CSNK1G3: variants seen among roughly 807,000 people sequenced by gnomAD.
CSNK1G3 encodes casein kinase 1 gamma 3.
A neutral mutation model predicts 64.3 loss-of-function variants in CSNK1G3; 23 were observed. The ratio of observed to expected loss-of-function variants is 0.36; its 90% CI spans 0.26 to 0.51. The LOEUF is 0.51. Ranked by LOEUF, CSNK1G3 falls within the 20% of genes least tolerant of loss-of-function variation. The pLI, the probability that CSNK1G3 is intolerant of heterozygous loss-of-function variation, is 0.96. For missense variants in CSNK1G3, 357 were observed against 510.5 expected (o/e 0.70, Z 2.90); for synonymous variants, 158 against 162.2 (o/e 0.97, Z 0.20).
chr5:123,522,560 G>T (rs567248813), intron 1 of CSNK1G3, among the ~76,000 whole-genome samples: 1 of 151,692 alleles, frequency 6.6e-6, no homozygotes, highest in Non-Finnish European at 1.5e-5. Flanking sequence ...ACATAAAATG[G>T]CACAGTATTT....
chr5:123,549,311 A>G (rs964274134), intron 2 of CSNK1G3, among the ~76,000 whole-genome samples: 5 of 152,160 alleles, frequency 3.3e-5, no homozygotes, highest in African/African-American at 1.2e-4. Flanking sequence ...ATTTTTCTGT[A>G]TATTATGATG....
At chr5:123,538,164 CAT>C (rs1350600335) in intron 1 of CSNK1G3, among the ~76,000 whole-genome samples, 2 of 152,098 alleles carry the variant, frequency 1.3e-5, no homozygotes, top group East Asian at 3.8e-4. Flanking sequence ...TTTTTGTAAA[CAT>C]ACATTTTTAT....
In CSNK1G3 at chr5:123,550,801, T is replaced by G. The variant is rs115943332; in HGVS notation, c.179-2306T>G. 4.5e-3 allele frequency among the ~76,000 whole-genome samples: 685 copies of G among 152,318 alleles called. 3 individuals carry two copies. The highest frequency in any genetic ancestry group is 6.9e-3 in the Admixed American group (106 of 15,294). ...ACACCATACATAAACACATACTTTGTGCATCATTTGTTTGTTTATGTTTAT... is the reference window on the plus strand; with the variant it reads ...ACACCATACATAAACACATACTTTGGGCATCATTTGTTTGTTTATGTTTAT... On this transcript the variant is annotated intron_variant, in intron 2 of 12. Transcript: ENST00000345990.
intron 1 of CSNK1G3, among the ~76,000 whole-genome samples, chr5:123,538,979 G>T (rs1295322744): frequency 6.6e-6 from 1 of 152,004 alleles, no homozygotes; most frequent in Non-Finnish European, 1.5e-5. Flanking sequence ...TTGTATTTAG[G>T]TTTATGATCC....
chr5:123,603,764 C>T (rs967968783), intron 10 of CSNK1G3, among the ~76,000 whole-genome samples: 8 of 151,990 alleles, frequency 5.3e-5, no homozygotes, highest in African/African-American at 1.9e-4. Flanking sequence ...AATGCCAAGG[C>T]CTTTAAGTGG....
At chr5:123,585,712 C>T (rs1003523225) in intron 6 of CSNK1G3, among the ~76,000 whole-genome samples, 3 of 152,206 alleles carry the variant, frequency 2.0e-5, no homozygotes, top group East Asian at 3.9e-4. Flanking sequence ...TCAGTTAATC[C>T]ATACTTTGAA....
chr5:123,581,360 G>GTT lies in CSNK1G3; in HGVS notation c.673+5416_673+5417dup, dbSNP rs10612602. The stretch of plus-strand genomic sequence containing the variant: ...GATTCTCTTTTTGTTTTTTGGGTTT[G>GTT]TTTTTTTTTTTTTTTTTTTTGGCCT... On this transcript the variant is annotated intron_variant, in intron 6 of 12. Transcript: ENST00000345990. 2.4e-3 allele frequency among the ~76,000 whole-genome samples: 195 copies of GTT among 81,562 alleles called. 1 individual carries two copies. The highest frequency in any genetic ancestry group is 4.3e-3 in the East Asian group (12 of 2,812). 53.5% of individuals were successfully genotyped at this position (81,562 alleles called of 152,430 possible). A position where few individuals can be genotyped will look rare whatever the true frequency, so the allele number is the denominator to read the frequency against.
chr5:123,596,902 C>T (rs1203959831), intron 10 of CSNK1G3, among the ~76,000 whole-genome samples: 2 of 152,006 alleles, frequency 1.3e-5, no homozygotes, highest in African/African-American at 2.4e-5. Context: ...CCTTCCCACT[C>T]CAAAATAAAG....
intron 1 of CSNK1G3, among the ~76,000 whole-genome samples, chr5:123,518,266 T>G (rs924898828): frequency 6.6e-6 from 1 of 152,230 alleles, no homozygotes; most frequent in Non-Finnish European, 1.5e-5. Flanking sequence ...AACTTTCAGT[T>G]GAAGGAGCAG....
chr5:123,570,857 A>G (rs1787952985), intron 4 of CSNK1G3, among the ~76,000 whole-genome samples: 2 of 152,178 alleles, frequency 1.3e-5, no homozygotes, highest in South Asian at 4.1e-4. Context: ...AGCATTATGG[A>G]AAGAATTTTC....
At chr5:123,616,611 A>G (rs997122344) in exon 13 of CSNK1G3, 1 of 152,596 alleles carries the variant, frequency 6.6e-6, no homozygotes, top group Non-Finnish European at 1.5e-5. Context: ...TAATGCAGGT[A>G]TGTTCAGGTT....
At chr5:123,572,470 T>A (rs888879685) in intron 4 of CSNK1G3, among the ~76,000 whole-genome samples, 14 of 152,216 alleles carry the variant, frequency 9.2e-5, no homozygotes, top group Non-Finnish European at 1.6e-4. Flanking sequence ...AAGACTTTAT[T>A]ATCTCACAAT....
At chr5:123,539,161 T>C (rs1048370372) in intron 1 of CSNK1G3, among the ~76,000 whole-genome samples, 2 of 152,070 alleles carry the variant, frequency 1.3e-5, no homozygotes, top group African/African-American at 4.8e-5. Flanking sequence ...AAACGTAATC[T>C]CTTGTCTGTA....
intron 1 of CSNK1G3, among the ~76,000 whole-genome samples, chr5:123,544,452 T>G (rs1239006349): frequency 6.6e-6 from 1 of 152,246 alleles, no homozygotes; most frequent in African/African-American, 2.4e-5. Context: ...ATGGTTGCAT[T>G]ATATAATTAG....
At chr5:123,521,936 G>C (rs867814176) in intron 1 of CSNK1G3, among the ~76,000 whole-genome samples, 1 of 152,182 alleles carries the variant, frequency 6.6e-6, no homozygotes, top group East Asian at 1.9e-4. Context: ...GCCTGGAAAG[G>C]GCTAGGGCAT....
At chr5:123,562,101 C>T (rs1455764169) in intron 4 of CSNK1G3, among the ~76,000 whole-genome samples, 3 of 152,106 alleles carry the variant, frequency 2.0e-5, no homozygotes, top group East Asian at 3.9e-4. Flanking sequence ...ACTACACTTA[C>T]TATTCCTTGA....
chr5:123,552,239 G>A (rs1783816751), intron 2 of CSNK1G3, among the ~76,000 whole-genome samples: 2 of 151,926 alleles, frequency 1.3e-5, no homozygotes, highest in Admixed American at 1.3e-4. Context: ...CTGCCTCCTG[G>A]GTTCAAGCGA....
intron 1 of CSNK1G3, among the ~76,000 whole-genome samples, chr5:123,536,562 G>A (rs1780857046): frequency 6.6e-6 from 1 of 151,574 alleles, no homozygotes; most frequent in African/African-American, 2.4e-5. Flanking sequence ...TATATTGAAT[G>A]TTCCCAACAC....
At chr5:123,596,308 A>C (rs1425397760) in intron 10 of CSNK1G3, among the ~76,000 whole-genome samples, 1 of 152,104 alleles carries the variant, frequency 6.6e-6, no homozygotes, top group Non-Finnish European at 1.5e-5. Context: ...AAATTGTAAA[A>C]ATTTTTATGA....
Sources: allele counts gnomAD v4.1 joint callset (sites outside exome capture counted in the v4.1 genomes callset), GRCh38; gene constraint gnomAD v4.1.1; transcripts MANE v1.5; gene names NCBI Gene and HGNC (gene_info 2026-07-23, HGNC 2026-07-21).